The following PRKCE variants were observed in gnomAD, a reference collection of about 807,000 sequenced individuals.
PRKCE encodes the protein protein kinase C epsilon type.
In PRKCE, 16 loss-of-function variants were observed where a neutral mutation model predicts 85.4. The observed-to-expected ratio is 0.19, with a 90% CI of 0.13 to 0.28. The LOEUF (loss-of-function observed/expected upper bound fraction) is 0.28. Ranked by LOEUF, PRKCE falls within the 10% of genes least tolerant of loss-of-function variation. The pLI, the probability that PRKCE is intolerant of heterozygous loss-of-function variation, is 1.00. For missense variants in PRKCE, 573 were observed against 975.2 expected (o/e 0.59, Z 5.49); for synonymous variants, 388 against 371.5 (o/e 1.04, Z -0.51).
At chr2:45,947,916 C>T (rs754341725) in intron 2 of PRKCE, among the ~76,000 whole-genome samples, 48 of 152,188 alleles carry the variant, frequency 3.2e-4, no homozygotes, top group Non-Finnish European at 7.4e-5. Flanking sequence ...GTAAAAATGA[C>T]GAGAAACAGG....
intron 1 of PRKCE, among the ~76,000 whole-genome samples, chr2:45,766,540 A>G (rs1214589732): frequency 2.0e-5 from 3 of 152,234 alleles, no homozygotes; most frequent in Admixed American, 2.0e-4. Context: ...TGAGGGAAGC[A>G]TGATAAACAA....
intron 2 of PRKCE, 70 bp downstream of exon 2, chr2:45,843,133 C>A: frequency 7.4e-7 from 1 of 1,360,164 alleles, no homozygotes; most frequent in Admixed American, 1.7e-5. Flanking sequence ...TCTTCTTTCC[C>A]CCCCTTGGCC....
intron 1 of PRKCE, among the ~76,000 whole-genome samples, chr2:45,753,328 C>T (rs923441853): frequency 6.6e-6 from 1 of 152,178 alleles, no homozygotes; most frequent in Non-Finnish European, 1.5e-5. Context: ...ACCTGCTGGG[C>T]CAGGAGCCAC....
At chr2:45,969,316 G>A (rs1386761912) in intron 2 of PRKCE, among the ~76,000 whole-genome samples, 1 of 152,140 alleles carries the variant, frequency 6.6e-6, no homozygotes, top group Non-Finnish European at 1.5e-5. Context: ...CTTCTGCAGT[G>A]AGGCAGATGC....
intron 2 of PRKCE, among the ~76,000 whole-genome samples, chr2:45,859,296 G>T (rs1029283632): frequency 2.0e-5 from 3 of 151,898 alleles, no homozygotes; most frequent in Admixed American, 1.3e-4. Flanking sequence ...TATTATGGGG[G>T]TGTCCTTGTA....
intron 1 of PRKCE, among the ~76,000 whole-genome samples, chr2:45,821,072 G>A (rs1469008966): frequency 2.6e-5 from 4 of 152,100 alleles, no homozygotes; most frequent in Non-Finnish European, 4.4e-5. Context: ...GGTGGAGGAG[G>A]CTCTTGGTTC....
At chr2:45,769,831 T>C (rs1685176421) in intron 1 of PRKCE, among the ~76,000 whole-genome samples, 2 of 152,228 alleles carry the variant, frequency 1.3e-5, no homozygotes, top group Non-Finnish European at 2.9e-5. Flanking sequence ...TCTAAATTCT[T>C]AAATTCCAGC....
In PRKCE at chr2:46,155,283, T is replaced by C. The variant is rs1677088286; in HGVS notation, c.1920+4054T>C. On this transcript the variant is annotated intron_variant, in intron 13 of 14. Coordinates refer to ENST00000306156, the MANE Select transcript of PRKCE (RefSeq NM_005400.3). The surrounding 1 kb of genome is among the most constrained non-coding windows in gnomAD (Gnocchi z 4.7). Reference sequence around the variant, plus strand: ...GTTCAACTGAGAGCCAAGGAAAACTTTGACCTGGGTGCCTCTTGGGTGAAT... The same window carrying C: ...GTTCAACTGAGAGCCAAGGAAAACTCTGACCTGGGTGCCTCTTGGGTGAAT... 6.6e-6 allele frequency among the ~76,000 whole-genome samples: 1 copy of C among 152,236 alleles called. No homozygotes were observed. Among genetic ancestry groups the C allele is most frequent in the Non-Finnish European group, 1.5e-5 (1 of 68,032 alleles).
At chr2:45,806,206 G>A (rs903411161) in intron 1 of PRKCE, among the ~76,000 whole-genome samples, 16 of 152,086 alleles carry the variant, frequency 1.1e-4, no homozygotes, top group African/African-American at 2.7e-4. Flanking sequence ...AATTTGCTTC[G>A]GGAATCCTGG....
chr2:45,834,833 G>C (rs1690723682), intron 1 of PRKCE, among the ~76,000 whole-genome samples: 1 of 152,142 alleles, frequency 6.6e-6, no homozygotes, highest in Admixed American at 6.5e-5. Flanking sequence ...GGACATTTAG[G>C]TCATTAAGTT....
chr2:46,007,524 C>A lies in PRKCE; in HGVS notation c.1126C>A (p.His376Asn). Reference sequence around the variant, plus strand: ...GTCATTTGACAACCGAGGAGAGGAGCACCGGGCAGCATCGTCTCCTGATGG... The same window carrying A: ...GTCATTTGACAACCGAGGAGAGGAGAACCGGGCAGCATCGTCTCCTGATGG... Reference protein sequence around the residue: ...ALSFDNRGEEHRAASSPDGQL... With the variant: ...ALSFDNRGEENRAASSPDGQL... The change falls in exon 9 of 15, where the codon CAC becomes AAC. Residue 376 changes from histidine to asparagine, a missense_variant. Around this residue, in one of 11 missense-constraint regions of PRKCE, gnomAD observed 117 missense variants for 104.8 expected, o/e 1.12. Transcript: ENST00000306156. 6.3e-7 allele frequency: 1 copy of A among 1,599,780 alleles called. No individual in the cohort carries two copies. The highest frequency in any genetic ancestry group is 8.5e-7 in the Non-Finnish European group (1 of 1,179,952).
chr2:45,708,854 G>C (rs1679353375), intron 1 of PRKCE, among the ~76,000 whole-genome samples: 1 of 152,154 alleles, frequency 6.6e-6, no homozygotes, highest in South Asian at 2.1e-4. Flanking sequence ...AGTGGTCTTG[G>C]GGGCCATGTG....
intron 6 of PRKCE, 146 bp downstream of exon 6, chr2:45,984,826 C>A: frequency 8.4e-7 from 1 of 1,189,124 alleles, no homozygotes; most frequent in Non-Finnish European, 1.1e-6. Flanking sequence ...GCATTAGTAA[C>A]TCTGTGCATT....
intron 10 of PRKCE, among the ~76,000 whole-genome samples, chr2:46,018,088 C>T (rs1260004834): frequency 6.6e-6 from 1 of 152,138 alleles, no homozygotes; most frequent in Non-Finnish European, 1.5e-5. Context: ...TATTAATGTC[C>T]CTTAAGCTGG....
At chr2:45,898,451 G>A (rs1352360336) in intron 2 of PRKCE, among the ~76,000 whole-genome samples, 3 of 152,208 alleles carry the variant, frequency 2.0e-5, no homozygotes, top group Non-Finnish European at 2.9e-5. Flanking sequence ...GAGATACTTG[G>A]ATAACACTTA....
intron 14 of PRKCE, among the ~76,000 whole-genome samples, chr2:46,173,160 A>G (rs1316876759): frequency 6.6e-6 from 1 of 152,206 alleles, no homozygotes; most frequent in Non-Finnish European, 1.5e-5. Flanking sequence ...TGGTTTCAAC[A>G]TTTTTTTAAT....
chr2:46,126,565 C>G (rs1486512185), intron 11 of PRKCE, among the ~76,000 whole-genome samples: 1 of 152,144 alleles, frequency 6.6e-6, no homozygotes, highest in Non-Finnish European at 1.5e-5. Context: ...AAAGTGAACA[C>G]TTAATAGGCA....
At position 45,761,049 on chromosome 2, in the gene PRKCE, C is replaced by T. The variant is rs189805318; in HGVS notation, c.349-81951C>T. 2.6e-5 allele frequency among the ~76,000 whole-genome samples: 4 copies of T among 152,052 alleles called. No individual in the cohort carries two copies. In the East Asian group the frequency reaches 5.8e-4, roughly 22 times the overall value. ...TTTTACTTAAAAAAAAATTTAAGGCCGGGCATGGTGGCTCACGCCTGTAAT... is the reference window on the plus strand; with the variant it reads ...TTTTACTTAAAAAAAAATTTAAGGCTGGGCATGGTGGCTCACGCCTGTAAT... On this transcript the variant is annotated intron_variant, in intron 1 of 14. Transcript: ENST00000306156.
intron 11 of PRKCE, among the ~76,000 whole-genome samples, chr2:46,114,517 A>G (rs545453536): frequency 7.2e-6 from 1 of 139,100 alleles, no homozygotes; most frequent in East Asian, 2.3e-4. Flanking sequence ...TCCCAGGTTC[A>G]CGCCATTCTC....
Sources: gnomAD v4.1 joint callset for allele counts (sites outside exome capture counted in the v4.1 genomes callset) on GRCh38, gnomAD v4.1.1 for gene constraint, gnomAD v4.1.1 regional missense constraint, Gnocchi (gnomAD v3.1) non-coding constraint, MANE v1.5 for transcripts, NCBI Gene and HGNC (gene_info 2026-07-23, HGNC 2026-07-21) for gene names.